The following GPHN variants were observed in gnomAD, a reference collection of about 807,000 sequenced individuals.
GPHN encodes gephyrin.
Under a neutral mutation model 95.5 loss-of-function variants are expected in GPHN, and 17 were observed. The ratio of observed to expected loss-of-function variants is 0.18; its 90% CI spans 0.12 to 0.27. GPHN has a LOEUF of 0.27. Among genes scored for constraint, GPHN ranks in the 10% least tolerant of loss-of-function variants. GPHN has a pLI of 1.00. For missense variants in GPHN, 660 were observed against 978.1 expected (o/e 0.67, Z 4.34); for synonymous variants, 320 against 322.5 (o/e 0.99, Z 0.08).
chr14:67,251,064 A>G, the GPHN span, among the ~76,000 whole-genome samples: 1 of 152,208 alleles, frequency 6.6e-6, no homozygotes, highest in Non-Finnish European at 1.5e-5. Context: ...TATTTTTTCC[A>G]TAGTCCTATT....
At chr14:67,445,574 A>ATTTTTTTTTTTTTTTTTTTTTTTTTT in the GPHN span, among the ~76,000 whole-genome samples, 8 of 98,670 alleles carry the variant, frequency 8.1e-5, no homozygotes, top group African/African-American at 2.3e-4. Context: ...AAGAGAGGCA[A>ATTTTTTTTTTTTTTTTTTTTTTTTTT]TTCTTTTTTT....
chr14:66,889,719 A>G (rs1448573793), intron 5 of GPHN, among the ~76,000 whole-genome samples: 1 of 152,058 alleles, frequency 6.6e-6, no homozygotes, highest in African/African-American at 2.4e-5. Flanking sequence ...TAGAAAAAGA[A>G]TAACAACCTA....
intron 1 of GPHN, among the ~76,000 whole-genome samples, chr14:66,665,000 A>AG (rs1258747662): frequency 2.0e-5 from 3 of 150,666 alleles, no homozygotes; most frequent in East Asian, 3.9e-4. Flanking sequence ...AAAAAAAAAA[A>AG]AAAAAAAAAA....
intron 10 of GPHN, among the ~76,000 whole-genome samples, chr14:67,047,483 A>G (rs747563518): frequency 4.6e-5 from 7 of 150,858 alleles, no homozygotes; most frequent in Non-Finnish European, 7.4e-5. Flanking sequence ...CTCGTGCCTC[A>G]GCCTTCTGAG....
chr14:67,246,651 T>TTG, the GPHN span, among the ~76,000 whole-genome samples: 6 of 143,070 alleles, frequency 4.2e-5, no homozygotes, highest in African/African-American at 1.3e-4. Flanking sequence ...TACTATAGGT[T>TTG]TTTTTTTTTT....
chr14:66,650,101 A>T (rs1224401572), intron 1 of GPHN, among the ~76,000 whole-genome samples: 57 of 152,082 alleles, frequency 3.7e-4, no homozygotes, highest in Non-Finnish European at 6.3e-4. Flanking sequence ...CCAAAAAAAA[A>T]AAAAAGCTGC....
chr14:66,723,792 A>G (rs916266060), intron 2 of GPHN, among the ~76,000 whole-genome samples: 2 of 152,154 alleles, frequency 1.3e-5, no homozygotes, highest in African/African-American at 4.8e-5. Context: ...TCTTTAAACC[A>G]GTTTTATTTA....
At chr14:66,603,066 TA>T (rs1239752068) in intron 1 of GPHN, among the ~76,000 whole-genome samples, 7 of 151,878 alleles carry the variant, frequency 4.6e-5, no homozygotes, top group African/African-American at 1.4e-4. Context: ...TGTATTTTAT[TA>T]AAAACAATTG....
intron 8 of GPHN, among the ~76,000 whole-genome samples, chr14:66,929,297 CG>C: frequency 6.6e-6 from 1 of 151,926 alleles, no homozygotes; most frequent in East Asian, 1.9e-4. Context: ...TCAAGCGATC[CG>C]CCTCCCAAAG....
At chr14:67,424,420 C>T in the GPHN span, among the ~76,000 whole-genome samples, 15 of 151,666 alleles carry the variant, frequency 9.9e-5, no homozygotes, top group Admixed American at 7.2e-4. Flanking sequence ...GAGTTCAAGA[C>T]CAGCCTGGAC....
At chr14:66,960,490 T>C (rs1404611370) in intron 8 of GPHN, among the ~76,000 whole-genome samples, 1 of 152,086 alleles carries the variant, frequency 6.6e-6, no homozygotes, top group Admixed American at 6.5e-5. Flanking sequence ...TTCAAGCTTG[T>C]ATTTCTTTGT....
At chr14:67,692,730 A>G in the GPHN span, 2 of 1,048,778 alleles carry the variant, frequency 1.9e-6, no homozygotes, top group Non-Finnish European at 2.8e-6. Flanking sequence ...CTGATTAGCA[A>G]ATAGGTAAAG....
chr14:66,843,316 A>G (rs1021722873), intron 4 of GPHN, among the ~76,000 whole-genome samples: 1 of 152,154 alleles, frequency 6.6e-6, no homozygotes. Flanking sequence ...CTATGGCCTA[A>G]CAAGTGCTAT....
intron 2 of GPHN, among the ~76,000 whole-genome samples, chr14:66,740,057 T>TTTATCC (rs1304162781): frequency 1.1e-4 from 16 of 152,096 alleles, no homozygotes; most frequent in African/African-American, 3.9e-4. Context: ...CTAAAAGAAA[T>TTTATCC]TATTGAGAAT....
At chr14:66,723,679 TAA>T (rs2070963407) in intron 2 of GPHN, among the ~76,000 whole-genome samples, 1 of 152,186 alleles carries the variant, frequency 6.6e-6, no homozygotes, top group Admixed American at 6.5e-5. Flanking sequence ...AGAGATAGCA[TAA>T]GTTTGTTTGA....
chr14:66,939,810 C>T (rs1315566961), intron 8 of GPHN, among the ~76,000 whole-genome samples: 1 of 152,228 alleles, frequency 6.6e-6, no homozygotes, highest in Non-Finnish European at 1.5e-5. Context: ...ACAGCAGTCA[C>T]ATCTCCTTCA....
intron 8 of GPHN, among the ~76,000 whole-genome samples, chr14:66,942,404 C>G (rs1461528680): frequency 6.6e-6 from 1 of 152,160 alleles, no homozygotes; most frequent in Non-Finnish European, 1.5e-5. Flanking sequence ...ATGTCACTAT[C>G]TCCAAAGTTA....
At chr14:67,347,658 A>G in the GPHN span, among the ~76,000 whole-genome samples, 5,226 of 151,770 alleles carry the variant, frequency 0.034, 112 homozygotes, top group East Asian at 0.06. Context: ...GCACCACCAC[A>G]CCCGGCTAAT....
At chr14:66,538,367 C>T (rs899447965) in intron 1 of GPHN, among the ~76,000 whole-genome samples, 8 of 150,636 alleles carry the variant, frequency 5.3e-5, no homozygotes, top group African/African-American at 2.0e-4. Flanking sequence ...TATTTTATAT[C>T]TTTATATTTT....
Sources: gnomAD v4.1 joint callset for allele counts (sites outside exome capture counted in the v4.1 genomes callset) on GRCh38, gnomAD v4.1.1 for gene constraint, MANE v1.5 for transcripts, NCBI Gene and HGNC (gene_info 2026-07-23, HGNC 2026-07-21) for gene names.